DCDC2C: variants seen among roughly 807,000 people sequenced by gnomAD.
DCDC2C encodes doublecortin domain containing 2C.
In DCDC2C, 44 loss-of-function variants were observed where a neutral mutation model predicts 45.0. That is an observed-to-expected ratio of 0.98 (90% CI 0.77 to 1.26). The LOEUF is 1.26. Among genes scored for constraint, DCDC2C ranks in the 50% most tolerant of loss-of-function variants. The probability of loss-of-function intolerance (pLI) is 0.00; values close to 1 mark genes in which losing one functional copy is unlikely to be tolerated. For missense variants in DCDC2C, 447 were observed against 468.9 expected (o/e 0.95, Z 0.43); for synonymous variants, 187 against 178.8 (o/e 1.05, Z -0.37).
intron 6 of DCDC2C, among the ~76,000 whole-genome samples, chr2:3,764,064 TG>T (rs1669954602): frequency 1.3e-5 from 2 of 152,232 alleles, no homozygotes; most frequent in African/African-American, 4.8e-5. Context: ...AAATTAGAAT[TG>T]TAATGTAACC....
intron 2 of DCDC2C, among the ~76,000 whole-genome samples, chr2:3,719,735 G>A (rs777762414): frequency 6.6e-5 from 10 of 152,166 alleles, no homozygotes; most frequent in Non-Finnish European, 1.3e-4. Context: ...ACCAGCCTCC[G>A]ACATCACCCT....
At chr2:3,784,240 T>G (rs1202261764) in intron 9 of DCDC2C, among the ~76,000 whole-genome samples, 1 of 152,224 alleles carries the variant, frequency 6.6e-6, no homozygotes, top group Non-Finnish European at 1.5e-5. Flanking sequence ...TTAATATGGA[T>G]GCAGAAAAGT....
chr2:3,750,000 AC>A (rs377557355), intron 4 of DCDC2C, among the ~76,000 whole-genome samples: 5 of 141,554 alleles, frequency 3.5e-5, no homozygotes, highest in African/African-American at 1.3e-4. Context: ...TTTCCCCTCT[AC>A]CCCCCTCCAC....
In DCDC2C at chr2:3,741,898, GCTTTT is replaced by G. The variant is rs1558573088; in HGVS notation, c.417-16_417-12del. 1.1e-5 allele frequency: 17 copies of G among 1,537,258 alleles called. No homozygotes were observed. Among genetic ancestry groups the G allele is most frequent in the Non-Finnish European group, 1.3e-5 (15 of 1,141,518 alleles). On this transcript the variant is annotated splice_polypyrimidine_tract_variant and intron_variant, in intron 3 of 10. Transcript: ENST00000399143. ...CCTCAAACTTAAGGTATTAATGGAT[GCTTTT>G]CTTTTTATTCTTACAGTGTTTTTAC...
intron 6 of DCDC2C, among the ~76,000 whole-genome samples, chr2:3,756,813 CCTT>C (rs1669733682): frequency 6.6e-6 from 1 of 152,174 alleles, no homozygotes; most frequent in South Asian, 2.1e-4. Flanking sequence ...CTCATGTTGT[CCTT>C]CTCTGGCTTT....
chr2:3,710,849 C>G (rs145451385), intron 2 of DCDC2C, among the ~76,000 whole-genome samples: 1,630 of 152,274 alleles, frequency 0.011, 32 homozygotes, highest in African/African-American at 0.037. Context: ...TTTTCTTTAT[C>G]CAGTCCACCA....
At chr2:3,773,272 T>G (rs6715434) in intron 8 of DCDC2C, among the ~76,000 whole-genome samples, 72,613 of 151,770 alleles carry the variant, frequency 0.48, 17,646 homozygotes, top group East Asian at 0.67. Context: ...CTAGGCTGCA[T>G]TCCCTCCTTT....
chr2:3,815,472 T>C (rs1353962464), intron 10 of DCDC2C, among the ~76,000 whole-genome samples: 1 of 152,238 alleles, frequency 6.6e-6, no homozygotes, highest in African/African-American at 2.4e-5. Context: ...CTGCTTCTAG[T>C]TGGCCATCTT....
intron 9 of DCDC2C, among the ~76,000 whole-genome samples, chr2:3,781,810 C>T (rs1029456233): frequency 6.6e-6 from 1 of 152,128 alleles, no homozygotes; most frequent in Admixed American, 6.5e-5. Flanking sequence ...GTTGAGGCTG[C>T]AGTGAGTTAC....
chr2:3,802,972 A>G lies in DCDC2C; in HGVS notation c.1065+17872A>G, dbSNP rs138927317. On this transcript the variant is annotated intron_variant, in intron 10 of 10. Coordinates refer to ENST00000399143, the MANE Select transcript of DCDC2C (RefSeq NM_001287444.2). ...AAAAGCTGTTCCTGGCCTTTCCAGC[A>G]TATGTACCTACCATCTTGTTTTCCC... Among the ~76,000 whole-genome samples the G allele has an allele frequency of 2.6e-5, 4 of 152,320 alleles. No homozygotes were observed. The East Asian group carries it at 5.8e-4, about 22-fold the overall frequency.
intron 10 of DCDC2C, among the ~76,000 whole-genome samples, chr2:3,811,294 A>G (rs1049541203): frequency 5.3e-5 from 8 of 152,142 alleles, no homozygotes; most frequent in African/African-American, 1.9e-4. Context: ...GAGGTCCTTC[A>G]CGTCCCTTGT....
intron 6 of DCDC2C, among the ~76,000 whole-genome samples, chr2:3,760,293 T>G (rs1046541121): frequency 2.0e-5 from 3 of 152,228 alleles, no homozygotes; most frequent in Non-Finnish European, 4.4e-5. Flanking sequence ...AAAATGCCCA[T>G]TTCCCTACCA....
chr2:3,769,253 C>T (rs1399584527), intron 7 of DCDC2C, 58 bp from the exon 8 acceptor site: 8 of 1,485,820 alleles, frequency 5.4e-6, no homozygotes, highest in Non-Finnish European at 7.3e-6. Flanking sequence ...AGGAAATATG[C>T]AGTGGACTCC....
At chr2:3,771,293 G>A (rs974289202) in intron 8 of DCDC2C, among the ~76,000 whole-genome samples, 28 of 152,236 alleles carry the variant, frequency 1.8e-4, no homozygotes, top group African/African-American at 6.5e-4. Flanking sequence ...CTGACATGCA[G>A]CAGGTGTTTC....
chr2:3,755,527 G>T (rs111206510), intron 6 of DCDC2C, among the ~76,000 whole-genome samples: 31 of 152,016 alleles, frequency 2.0e-4, no homozygotes, highest in South Asian at 6.2e-4. Context: ...ATGCATGTGC[G>T]TATGTATGAA....
chr2:3,765,434 C>A (rs979519996), intron 6 of DCDC2C, among the ~76,000 whole-genome samples: 22 of 152,108 alleles, frequency 1.4e-4, no homozygotes, highest in African/African-American at 5.1e-4. Flanking sequence ...GAGGAAGGGA[C>A]TTCCACGTGG....
intron 10 of DCDC2C, among the ~76,000 whole-genome samples, chr2:3,828,814 T>A (rs770409273): frequency 1.3e-5 from 2 of 152,230 alleles, no homozygotes; most frequent in Non-Finnish European, 2.9e-5. Flanking sequence ...TTCTGATATT[T>A]TGTGAGTTTG....
At chr2:3,738,540 G>GAAAAAA (rs60799536) in intron 3 of DCDC2C, among the ~76,000 whole-genome samples, 3 of 72,008 alleles carry the variant, frequency 4.2e-5, no homozygotes, top group African/African-American at 1.6e-4. Context: ...GTCTATCTGG[G>GAAAAAA]AAAAAAAAAA....
chr2:3,779,636 T>G (rs1670455171), intron 9 of DCDC2C, among the ~76,000 whole-genome samples: 1 of 152,212 alleles, frequency 6.6e-6, no homozygotes, highest in African/African-American at 2.4e-5. Context: ...TTGGCGGCAG[T>G]CAGGGAGCTG....
Sources: gnomAD v4.1 joint callset for allele counts (sites outside exome capture counted in the v4.1 genomes callset) on GRCh38, gnomAD v4.1.1 for gene constraint, MANE v1.5 for transcripts, NCBI Gene and HGNC (gene_info 2026-07-23, HGNC 2026-07-21) for gene names.